The following CDKAL1 variants were observed in gnomAD, a reference collection of about 807,000 sequenced individuals.
CDKAL1 encodes the protein threonylcarbamoyladenosine tRNA methylthiotransferase.
Under a neutral mutation model 68.2 loss-of-function variants are expected in CDKAL1, and 32 were observed. The observed-to-expected ratio is 0.47, with a 90% CI of 0.35 to 0.63. The LOEUF is 0.63. CDKAL1 is among the 30% of genes least tolerant of loss of function. The pLI, the probability that CDKAL1 is intolerant of heterozygous loss-of-function variation, is 0.00. For missense variants in CDKAL1, 606 were observed against 696.7 expected, an observed-to-expected ratio of 0.87 and a Z score of 1.47; for synonymous variants, 234 against 244.3, an observed-to-expected ratio of 0.96 and a Z score of 0.39.
intron 13 of CDKAL1, among the ~76,000 whole-genome samples, chr6:21,112,581 G>C (rs1438149811): frequency 2.0e-5 from 3 of 152,168 alleles, no homozygotes; most frequent in African/African-American, 7.2e-5. Flanking sequence ...TCTAGCTCCT[G>C]TGTTGGTGAA....
At chr6:21,047,968 G>C (rs146099902) in intron 11 of CDKAL1, among the ~76,000 whole-genome samples, 1 of 152,148 alleles carries the variant, frequency 6.6e-6, no homozygotes, top group African/African-American at 2.4e-5. Flanking sequence ...CATATCAATC[G>C]GAATTGGGTG....
At chr6:21,122,803 G>GTTTTT (rs66935416) in intron 13 of CDKAL1, among the ~76,000 whole-genome samples, 2 of 105,806 alleles carry the variant, frequency 1.9e-5, no homozygotes, top group African/African-American at 3.5e-5. Flanking sequence ...CCCCAGTTAG[G>GTTTTT]TTTTTTTTTT....
At chr6:20,945,701 A>T (rs940814089) in intron 9 of CDKAL1, among the ~76,000 whole-genome samples, 9 of 152,206 alleles carry the variant, frequency 5.9e-5, no homozygotes, top group Non-Finnish European at 1.3e-4. Flanking sequence ...ACTCCGTTGG[A>T]TGGAAAGAAA....
intron 5 of CDKAL1, among the ~76,000 whole-genome samples, chr6:20,712,498 G>A (rs1390939254): frequency 3.4e-5 from 5 of 146,826 alleles, no homozygotes; most frequent in Non-Finnish European, 7.4e-5. Flanking sequence ...TGTGCTTGAT[G>A]TGTTAGAAAA....
chr6:21,064,379 C>T (rs562982116), intron 11 of CDKAL1, among the ~76,000 whole-genome samples: 1 of 152,134 alleles, frequency 6.6e-6, no homozygotes, highest in Non-Finnish European at 1.5e-5. Context: ...GCAACACACA[C>T]CTGAAAGGAG....
At chr6:21,129,175 T>C (rs947073060) in intron 13 of CDKAL1, among the ~76,000 whole-genome samples, 1 of 152,226 alleles carries the variant, frequency 6.6e-6, no homozygotes, top group Non-Finnish European at 1.5e-5. Flanking sequence ...ATAATAATTA[T>C]AAATTCTATC....
chr6:21,046,596 C>G (rs553649349), intron 11 of CDKAL1, among the ~76,000 whole-genome samples: 2 of 152,186 alleles, frequency 1.3e-5, no homozygotes, highest in African/African-American at 4.8e-5. Context: ...TGAGACACAA[C>G]GGAGCTGCTC....
intron 10 of CDKAL1, among the ~76,000 whole-genome samples, chr6:20,975,587 T>C (rs892575882): frequency 2.1e-4 from 32 of 152,080 alleles, no homozygotes; most frequent in African/African-American, 7.7e-4. Flanking sequence ...TATAAAGTGA[T>C]ATTTAAGCAA....
chr6:20,957,350 C>T (rs1764828922), intron 10 of CDKAL1, among the ~76,000 whole-genome samples: 1 of 152,302 alleles, frequency 6.6e-6, no homozygotes, highest in Non-Finnish European at 1.5e-5. Context: ...AAGATTGCAG[C>T]AGCTAATACT....
At chr6:20,819,262 G>T (rs917016226) in intron 8 of CDKAL1, among the ~76,000 whole-genome samples, 4 of 151,878 alleles carry the variant, frequency 2.6e-5, no homozygotes, top group Admixed American at 1.3e-4. Flanking sequence ...TTTGGCCAAG[G>T]TGACAGTCTT....
intron 14 of CDKAL1, among the ~76,000 whole-genome samples, chr6:21,200,532 T>TCAAAC (rs1778646477): frequency 6.6e-6 from 1 of 152,212 alleles, no homozygotes; most frequent in South Asian, 2.1e-4. Flanking sequence ...AAGTGTCTTT[T>TCAAAC]CAAACCATTA....
At chr6:20,537,554 C>T (rs555873986) in intron 2 of CDKAL1, among the ~76,000 whole-genome samples, 166 of 150,732 alleles carry the variant, frequency 1.1e-3, no homozygotes, top group African/African-American at 3.6e-3. Context: ...TGCAGTGAGC[C>T]GAGATCGTGC....
chr6:20,911,058 C>CTAGG (rs1248867991), intron 9 of CDKAL1, among the ~76,000 whole-genome samples: 2 of 152,212 alleles, frequency 1.3e-5, no homozygotes, highest in African/African-American at 4.8e-5. Flanking sequence ...TAGTACTTTG[C>CTAGG]TAGGGCAACC....
At chr6:21,230,820 A>T in intron 15 of CDKAL1, 28 bp from the exon 16 acceptor site, 1 of 1,540,370 alleles carries the variant, frequency 6.5e-7, no homozygotes, top group Non-Finnish European at 8.8e-7. Flanking sequence ...TCTAAAAATA[A>T]TTTTTTCCTC....
At chr6:20,755,377 A>G (rs569318483) in intron 6 of CDKAL1, among the ~76,000 whole-genome samples, 3 of 152,258 alleles carry the variant, frequency 2.0e-5, no homozygotes, top group East Asian at 3.9e-4. Flanking sequence ...CAGAAATACT[A>G]AATGCCTGTG....
intron 8 of CDKAL1, among the ~76,000 whole-genome samples, chr6:20,808,786 C>T (rs1358659533): frequency 2.0e-5 from 3 of 151,968 alleles, no homozygotes; most frequent in Non-Finnish European, 2.9e-5. Context: ...ATACTTATTT[C>T]GTTCACAAAA....
At chr6:20,837,250 T>C (rs1334106021) in intron 8 of CDKAL1, among the ~76,000 whole-genome samples, 1 of 152,224 alleles carries the variant, frequency 6.6e-6, no homozygotes, top group African/African-American at 2.4e-5. Context: ...ATTTAAGTTT[T>C]ATCTGAATTT....
At chr6:20,946,528 C>A (rs1258820687) in intron 9 of CDKAL1, among the ~76,000 whole-genome samples, 1 of 151,804 alleles carries the variant, frequency 6.6e-6, no homozygotes, top group Non-Finnish European at 1.5e-5. Context: ...ATACGGCTGG[C>A]CTTTAAATGC....
chr6:20,890,774 T>C (rs1010232706), intron 9 of CDKAL1, among the ~76,000 whole-genome samples: 2 of 152,210 alleles, frequency 1.3e-5, no homozygotes, highest in African/African-American at 4.8e-5. Flanking sequence ...TTGGGAAATA[T>C]TGCATTTAGA....
Sources: allele counts gnomAD v4.1 joint callset (sites outside exome capture counted in the v4.1 genomes callset), GRCh38; gene constraint gnomAD v4.1.1; transcripts MANE v1.5; gene names NCBI Gene and HGNC (gene_info 2026-07-23, HGNC 2026-07-21).